Variants in DPP10 observed in about 807,000 individuals in gnomAD.
The protein encoded by DPP10 is dipeptidyl peptidase like 10, also known as inactive dipeptidyl peptidase 10.
In DPP10, 33 loss-of-function variants were observed where a neutral mutation model predicts 120.9. The ratio of observed to expected loss-of-function variants is 0.27; its 90% CI spans 0.21 to 0.37. DPP10 has a LOEUF of 0.37. Ranked by LOEUF, DPP10 falls within the 10% of genes least tolerant of loss-of-function variation. The probability of loss-of-function intolerance (pLI) is 1.00; values close to 1 mark genes in which losing one functional copy is unlikely to be tolerated. For synonymous variants in DPP10, 337 were observed against 326.1 expected (o/e 1.03, Z -0.36); for missense variants, 816 against 942.8 (o/e 0.87, Z 1.76).
chr2:115,742,782 A>G (rs1272242370), intron 9 of DPP10, among the ~76,000 whole-genome samples: 1 of 152,128 alleles, frequency 6.6e-6, no homozygotes, highest in African/African-American at 2.4e-5. Flanking sequence ...AACTGAAACA[A>G]CACATAGAGT....
intron 1 of DPP10, among the ~76,000 whole-genome samples, chr2:114,654,047 T>C (rs1187629842): frequency 2.6e-5 from 4 of 152,206 alleles, no homozygotes; most frequent in Non-Finnish European, 4.4e-5. Flanking sequence ...GTGTTCAATC[T>C]TACTATGGAA....
chr2:115,107,926 AT>A (rs1031715932), intron 1 of DPP10, among the ~76,000 whole-genome samples: 1 of 152,024 alleles, frequency 6.6e-6, no homozygotes, highest in Non-Finnish European at 1.5e-5. Context: ...AATAACCTTT[AT>A]TTTTTTCCAA....
intron 1 of DPP10, among the ~76,000 whole-genome samples, chr2:114,445,083 T>G (rs1347458190): frequency 6.6e-6 from 1 of 152,184 alleles, no homozygotes; most frequent in Admixed American, 6.6e-5. Context: ...AACTCTAAGA[T>G]GAGAGGGTTT....
chr2:115,712,543 A>ATATATATATATATATATAGATATATATAT (rs56675119), intron 7 of DPP10, among the ~76,000 whole-genome samples: 1 of 64,276 alleles, frequency 1.6e-5, no homozygotes, highest in Non-Finnish European at 2.9e-5. Context: ...TCCTGAATTA[A>ATATATATATATATATATAGATATATATAT]ATATATATAT....
At chr2:115,622,829 CT>C (rs765780452) in intron 5 of DPP10, among the ~76,000 whole-genome samples, 85 of 128,352 alleles carry the variant, frequency 6.6e-4, no homozygotes, top group African/African-American at 1.2e-3. Flanking sequence ...TTCGTTTATT[CT>C]TTTTTTTTTT....
At chr2:115,678,073 G>A (rs537692843) in intron 5 of DPP10, among the ~76,000 whole-genome samples, 48 of 152,318 alleles carry the variant, frequency 3.2e-4, no homozygotes, top group African/African-American at 1.1e-3. Flanking sequence ...GTAAGAGGAA[G>A]CAGAGCATAA....
chr2:115,172,914 GT>G (rs1295239982), intron 1 of DPP10, among the ~76,000 whole-genome samples: 1 of 152,160 alleles, frequency 6.6e-6, no homozygotes, highest in Non-Finnish European at 1.5e-5. Context: ...TTGAGCTCCT[GT>G]TTTGGTTGGT....
At chr2:114,919,203 A>G (rs565552063) in intron 1 of DPP10, among the ~76,000 whole-genome samples, 25 of 152,252 alleles carry the variant, frequency 1.6e-4, no homozygotes, top group African/African-American at 5.5e-4. Flanking sequence ...TAAGTGTAAA[A>G]TATATATGAG....
chr2:115,447,510 C>T (rs1176643817), intron 3 of DPP10, among the ~76,000 whole-genome samples: 1 of 152,130 alleles, frequency 6.6e-6, no homozygotes, highest in East Asian at 1.9e-4. Flanking sequence ...ACCCAAATCT[C>T]ATCTCAAATA....
chr2:115,651,976 A>G (rs1430256582), intron 5 of DPP10, among the ~76,000 whole-genome samples: 1 of 152,064 alleles, frequency 6.6e-6, no homozygotes, highest in Non-Finnish European at 1.5e-5. Context: ...CTGTAGGTTA[A>G]GAGGATGCCT....
At chr2:115,545,545 C>G (rs914502900) in intron 5 of DPP10, among the ~76,000 whole-genome samples, 13 of 152,224 alleles carry the variant, frequency 8.5e-5, no homozygotes, top group African/African-American at 2.6e-4. Flanking sequence ...ATGTACAGAA[C>G]AGAGCCATGA....
chr2:115,513,418 A>G (rs2077336497), intron 4 of DPP10, among the ~76,000 whole-genome samples: 1 of 151,742 alleles, frequency 6.6e-6, no homozygotes, highest in African/African-American at 2.4e-5. Context: ...ATTTAATAAT[A>G]TTTGTTTTCT....
rs542265150 is a variant in DPP10 at position 114,892,537 on chromosome 2, G to T, written c.61-416702G>T. 5.4e-4 allele frequency among the ~76,000 whole-genome samples: 83 copies of T among 152,312 alleles called. No individual in the cohort carries two copies. In the South Asian group the frequency reaches 0.013, roughly 24 times the overall value. On this transcript the variant is annotated intron_variant, in intron 1 of 25. Transcript: ENST00000410059. ...TGAAACTACACAAAGGATCTACAGA[G>T]CAGGTGAAAGAATGAGGCAGTGGTC...
intron 3 of DPP10, among the ~76,000 whole-genome samples, chr2:115,354,501 T>C (rs1435899454): frequency 3.3e-5 from 5 of 152,160 alleles, no homozygotes; most frequent in Non-Finnish European, 1.5e-5. Flanking sequence ...TCAAAATGCA[T>C]CTATGTTGTT....
At chr2:115,169,446 CAT>C (rs139194459) in intron 1 of DPP10, among the ~76,000 whole-genome samples, 9 of 151,710 alleles carry the variant, frequency 5.9e-5, no homozygotes, top group East Asian at 3.9e-4. Context: ...TATACACACA[CAT>C]ATATATATAT....
chr2:115,006,697 G>C (rs1701870110), intron 1 of DPP10, among the ~76,000 whole-genome samples: 1 of 151,524 alleles, frequency 6.6e-6, no homozygotes, highest in Non-Finnish European at 1.5e-5. Flanking sequence ...ACCCAATACA[G>C]GAGCACCCAG....
intron 1 of DPP10, among the ~76,000 whole-genome samples, chr2:115,042,375 TC>T (rs1272562312): frequency 2.0e-5 from 3 of 152,172 alleles, no homozygotes; most frequent in Non-Finnish European, 4.4e-5. Flanking sequence ...CAAGTGAGTT[TC>T]GTGCCACAGC....
chr2:114,752,721 C>T (rs1204284385), intron 1 of DPP10, among the ~76,000 whole-genome samples: 1 of 152,182 alleles, frequency 6.6e-6, no homozygotes, highest in Non-Finnish European at 1.5e-5. Context: ...TTCTGTTACT[C>T]ATAGGACTGG....
chr2:115,293,359 GACTC>G (rs1256999871), intron 1 of DPP10, among the ~76,000 whole-genome samples: 1 of 152,118 alleles, frequency 6.6e-6, no homozygotes, highest in Non-Finnish European at 1.5e-5. Context: ...TCTTCATAGA[GACTC>G]ACATATCATG....
Sources: allele counts gnomAD v4.1 joint callset (sites outside exome capture counted in the v4.1 genomes callset), GRCh38; gene constraint gnomAD v4.1.1; transcripts MANE v1.5; gene names NCBI Gene and HGNC (gene_info 2026-07-23, HGNC 2026-07-21).